Variants in SLC44A1 observed in about 807,000 individuals in gnomAD.
SLC44A1 encodes the protein solute carrier family 44 member 1, also known as choline transporter-like protein 1.
Under a neutral mutation model 79.3 loss-of-function variants are expected in SLC44A1, and 26 were observed. The observed-to-expected ratio is 0.33, with a 90% confidence interval of 0.24 to 0.46. SLC44A1 has a LOEUF of 0.46. Ranked by LOEUF, SLC44A1 falls within the 20% of genes least tolerant of loss-of-function variation. The pLI, the probability that SLC44A1 is intolerant of heterozygous loss-of-function variation, is 1.00. For synonymous variants in SLC44A1, 263 were observed against 286.2 expected, an observed-to-expected ratio of 0.92 and a Z score of 0.82; for missense variants, 688 against 798.1, an observed-to-expected ratio of 0.86 and a Z score of 1.66.
chr9:105,259,208 A>G (rs1829785588), intron 1 of SLC44A1, among the ~76,000 whole-genome samples: 1 of 152,202 alleles, frequency 6.6e-6, no homozygotes, highest in African/African-American at 2.4e-5. Context: ...CAAGTCTGTC[A>G]TGACAGCAAG....
intron 4 of SLC44A1, among the ~76,000 whole-genome samples, chr9:105,345,576 C>T (rs1564449271): frequency 6.6e-6 from 1 of 151,336 alleles, no homozygotes. Context: ...GGAAATATTA[C>T]TTTTTTTTTC....
At chr9:105,250,503 A>G (rs1281572626) in intron 1 of SLC44A1, among the ~76,000 whole-genome samples, 1 of 152,262 alleles carries the variant, frequency 6.6e-6, no homozygotes, top group African/African-American at 2.4e-5. Flanking sequence ...CTGCAAAGAA[A>G]GAATGAAATA....
intron 4 of SLC44A1, among the ~76,000 whole-genome samples, chr9:105,339,759 T>C (rs1448197083): frequency 6.6e-6 from 1 of 152,096 alleles, no homozygotes; most frequent in Non-Finnish European, 1.5e-5. Context: ...CCCAGGAGGT[T>C]GCAGTGAGCT....
chr9:105,256,761 A>ATT (rs1829717272), intron 1 of SLC44A1, among the ~76,000 whole-genome samples: 1 of 141,686 alleles, frequency 7.1e-6, no homozygotes, highest in Non-Finnish European at 1.5e-5. Flanking sequence ...ATTTTATTTT[A>ATT]TTTTATTTTA....
At chr9:105,301,129 A>T (rs1416365066) in intron 2 of SLC44A1, among the ~76,000 whole-genome samples, 1 of 152,136 alleles carries the variant, frequency 6.6e-6, no homozygotes, top group Admixed American at 6.5e-5. Flanking sequence ...CCTGAATGTA[A>T]CCCTGGGACA....
chr9:105,261,510 A>C (rs1458055532), intron 1 of SLC44A1, among the ~76,000 whole-genome samples: 1 of 152,218 alleles, frequency 6.6e-6, no homozygotes, highest in Non-Finnish European at 1.5e-5. Flanking sequence ...AGCAATGAGG[A>C]AACTCAGGAC....
At chr9:105,351,556 G>GAGAGAA (rs1320632512) in intron 5 of SLC44A1, among the ~76,000 whole-genome samples, 3 of 104,222 alleles carry the variant, frequency 2.9e-5, no homozygotes, top group Admixed American at 2.7e-4. Flanking sequence ...AAGAAAGAAA[G>GAGAGAA]AGAGAAAGAG....
At chr9:105,322,421 G>A (rs1826422613) in intron 3 of SLC44A1, among the ~76,000 whole-genome samples, 1 of 152,154 alleles carries the variant, frequency 6.6e-6, no homozygotes. Context: ...TCAGTCTTAT[G>A]ATTTTTAAAT....
chr9:105,419,863 G>A (rs575922598), intron 15 of SLC44A1, among the ~76,000 whole-genome samples: 8 of 147,514 alleles, frequency 5.4e-5, no homozygotes, highest in African/African-American at 7.6e-5. Flanking sequence ...GCAGTGAGCC[G>A]AGGTTGCACC....
intron 1 of SLC44A1, among the ~76,000 whole-genome samples, chr9:105,257,411 A>C (rs1427895557): frequency 1.3e-5 from 2 of 151,830 alleles, no homozygotes; most frequent in African/African-American, 4.8e-5. Context: ...TTTTTTGTAG[A>C]GACGAGGTCT....
At chr9:105,429,506 T>C (rs1829365413) in intron 15 of SLC44A1, among the ~76,000 whole-genome samples, 1 of 152,222 alleles carries the variant, frequency 6.6e-6, no homozygotes, top group Non-Finnish European at 1.5e-5. Flanking sequence ...TTTTGCCATG[T>C]TGTGCAGGCT....
At position 105,395,682 on chromosome 9, in the gene SLC44A1, G is replaced by C. The variant is rs372161565; in HGVS notation, c.*6626G>C. On this transcript the variant is annotated 3_prime_UTR_variant, in exon 16 of 16. Coordinates refer to ENST00000374720, the MANE Select transcript of SLC44A1 (RefSeq NM_080546.5). ...TTAAAGGGAATATTCTGACCTTCGT[G>C]TATGAATCTGATCCACCCATCCTGT... 2 of 985,264 alleles carry C rather than the reference G, an allele frequency of 2.0e-6. No individual in the cohort carries two copies. The highest frequency in any genetic ancestry group is 1.7e-5 in the African/African-American group (1 of 57,210). The allele number at this position is 985,264 out of a possible 1,614,324, so 61.0% of individuals were successfully genotyped here. A position where few individuals can be genotyped will look rare whatever the true frequency, so the allele number is the denominator to read the frequency against.
At chr9:105,427,751 G>T (rs1037185256) in intron 15 of SLC44A1, among the ~76,000 whole-genome samples, 1 of 152,132 alleles carries the variant, frequency 6.6e-6, no homozygotes, top group African/African-American at 2.4e-5. Context: ...GATACATATT[G>T]CCAAATTGCT....
At chr9:105,308,052 G>C (rs1411763554) in intron 2 of SLC44A1, among the ~76,000 whole-genome samples, 2 of 152,196 alleles carry the variant, frequency 1.3e-5, no homozygotes, top group East Asian at 3.8e-4. Flanking sequence ...ATTATTTCAT[G>C]TAATTCTCAT....
chr9:105,437,080 C>T (rs938988706), intron 15 of SLC44A1, among the ~76,000 whole-genome samples: 2 of 152,082 alleles, frequency 1.3e-5, no homozygotes, highest in Non-Finnish European at 2.9e-5. Context: ...TCAAACTGAG[C>T]CGGCCCTTAT....
chr9:105,385,366 T>G (rs2131470670), intron 14 of SLC44A1, 56 bp from the exon 15 acceptor site: 7 of 1,223,744 alleles, frequency 5.7e-6, no homozygotes, highest in Non-Finnish European at 7.0e-6. Context: ...AGAATTCATC[T>G]ACTAACAAAT....
chr9:105,400,464 G>A (rs1828943131), downstream of SLC44A1, among the ~76,000 whole-genome samples: 1 of 148,248 alleles, frequency 6.7e-6, no homozygotes, highest in Admixed American at 6.8e-5. Context: ...ACTCCAGCCT[G>A]GTGACAGAGC....
chr9:105,389,967 C>T lies in SLC44A1; in HGVS notation c.*911C>T. On this transcript the variant is annotated 3_prime_UTR_variant, in exon 16 of 16. Coordinates refer to ENST00000374720, the MANE Select transcript of SLC44A1 (RefSeq NM_080546.5). ...CATGGAACATAAAGCATTGAAAATT[C>T]CGGTGCTTGGGCTTCGGCTTCAGAG... 1.4e-6 allele frequency: 2 copies of T among 1,472,526 alleles called. No individual in the cohort carries two copies. The highest frequency in any genetic ancestry group is 1.8e-6 in the Non-Finnish European group (2 of 1,113,766). 91.2% of individuals were successfully genotyped at this position (1,472,526 alleles called of 1,614,324 possible).
chr9:105,334,262 T>C (rs1826842515), intron 3 of SLC44A1, among the ~76,000 whole-genome samples: 1 of 151,504 alleles, frequency 6.6e-6, no homozygotes, highest in African/African-American at 2.4e-5. Flanking sequence ...TTTCGTTTGG[T>C]AAGTTATACC....
Sources: allele counts gnomAD v4.1 joint callset (sites outside exome capture counted in the v4.1 genomes callset), GRCh38; gene constraint gnomAD v4.1.1; transcripts MANE v1.5; gene names NCBI Gene and HGNC (gene_info 2026-07-23, HGNC 2026-07-21).